The following HDX variants were observed in gnomAD, a reference collection of about 807,000 sequenced individuals.
HDX encodes chromosome X open reading frame 43.
HDX carries 19 observed loss-of-function variants against 45.2 expected under a neutral mutation model. The observed-to-expected ratio is 0.42, with a 90% CI of 0.29 to 0.62. The LOEUF (loss-of-function observed/expected upper bound fraction) is 0.62. Ranked by LOEUF, HDX falls within the 20% of genes least tolerant of loss-of-function variation. HDX has a pLI of 0.20. For missense variants in HDX, 532 were observed against 493.9 expected, an observed-to-expected ratio of 1.08 and a Z score of -0.73; for synonymous variants, 188 against 172.8, an observed-to-expected ratio of 1.09 and a Z score of -0.69.
chrX:84,385,062 G>T (rs1253617582), intron 5 of HDX, among the ~76,000 whole-genome samples: 1 of 109,883 alleles, frequency 9.1e-6, no homozygotes, highest in Admixed American at 9.7e-5. Flanking sequence ...ATTCTTTGAA[G>T]AATGATGTTC....
chrX:84,430,874 A>G (rs1035258773), intron 5 of HDX, among the ~76,000 whole-genome samples: 2 of 109,600 alleles, frequency 1.8e-5, no homozygotes, highest in Non-Finnish European at 3.8e-5. Context: ...TAACAAGTTT[A>G]CACTTTTATT....
At chrX:84,458,535 A>G (rs1443359364) in intron 4 of HDX, among the ~76,000 whole-genome samples, 1 of 112,233 alleles carries the variant, frequency 8.9e-6, no homozygotes, top group African/African-American at 3.2e-5. Flanking sequence ...ATTCCCATTC[A>G]TGCACACAAA....
intron 5 of HDX, among the ~76,000 whole-genome samples, chrX:84,388,514 T>A (rs1028679149): frequency 2.7e-5 from 3 of 112,088 alleles, no homozygotes; most frequent in Admixed American, 9.5e-5. Context: ...CTTTTTCTCT[T>A]TATTTTTTGT....
intron 5 of HDX, among the ~76,000 whole-genome samples, chrX:84,378,239 C>T (rs1203695520): frequency 9.0e-6 from 1 of 111,642 alleles, no homozygotes; most frequent in African/African-American, 3.2e-5. Flanking sequence ...GAGACCTGTT[C>T]TGTAAGAAAT....
intron 4 of HDX, among the ~76,000 whole-genome samples, chrX:84,457,332 A>G (rs899548367): frequency 9.0e-6 from 1 of 111,643 alleles, no homozygotes; most frequent in Non-Finnish European, 1.9e-5. Flanking sequence ...GACTCTCTAT[A>G]AAATACTGCT....
chrX:84,417,266 C>T (rs2039136475), intron 5 of HDX, among the ~76,000 whole-genome samples: 1 of 100,196 alleles, frequency 1.0e-5, no homozygotes, highest in African/African-American at 3.6e-5. Context: ...AAGTCCCAGT[C>T]CTTGTTTCCT....
In HDX at chrX:84,318,240, C is replaced by T. The variant is rs1260670192; in HGVS notation, c.*3649G>A. Reference sequence around the variant, plus strand: ...CCTCCTTGATTATAGCATTACAGAGCATAGCTTGGTGAAGAGCATGATACA... The same window carrying T: ...CCTCCTTGATTATAGCATTACAGAGTATAGCTTGGTGAAGAGCATGATACA... On this transcript the variant is annotated 3_prime_UTR_variant, in exon 11 of 11. Transcript: ENST00000373177. 1.8e-5 allele frequency: 2 copies of T among 110,220 alleles called. No homozygotes were observed. The highest frequency in any genetic ancestry group is 1.9e-4 in the Admixed American group (2 of 10,325). The allele number at this position is 110,220 out of a possible 1,213,427, so 9.1% of individuals were successfully genotyped here.
At chrX:84,358,934 C>T (rs1405070447) in intron 6 of HDX, among the ~76,000 whole-genome samples, 2 of 111,250 alleles carry the variant, frequency 1.8e-5, no homozygotes, top group African/African-American at 6.5e-5. Context: ...CTGGTGTCAA[C>T]CTACACTTGC....
Position 84,468,467 on chromosome X carries a change from A to C in HDX, c.1251+5T>G. The stretch of plus-strand genomic sequence containing the variant: ...AAACCTTTATAAAATAAATTTACAC[A>C]TTACCTGGTAATTGTTTTGGTTTTG... On this transcript the variant is annotated splice_donor_5th_base_variant and intron_variant, in intron 4 of 10. Coordinates refer to ENST00000373177, the MANE Select transcript of HDX (RefSeq NM_001177479.2). 2 of 1,102,945 alleles carry C rather than the reference A, an allele frequency of 1.8e-6. No homozygotes were observed. Among genetic ancestry groups the C allele is most frequent in the Non-Finnish European group, 2.4e-6 (2 of 821,502 alleles). The allele number at this position is 1,102,945 out of a possible 1,213,427, so 90.9% of individuals were successfully genotyped here.
At chrX:84,414,300 C>T (rs1161992102) in intron 5 of HDX, among the ~76,000 whole-genome samples, 5 of 111,333 alleles carry the variant, frequency 4.5e-5, no homozygotes, top group African/African-American at 1.3e-4. Flanking sequence ...CCACCTCTAC[C>T]CCAACATGCG....
intron 5 of HDX, among the ~76,000 whole-genome samples, chrX:84,376,384 A>T (rs1227359275): frequency 9.0e-6 from 1 of 111,579 alleles, no homozygotes; most frequent in Non-Finnish European, 1.9e-5. Context: ...TTTGTCTAGC[A>T]TCTTAGGTAC....
chrX:84,375,661 G>A lies in HDX; in HGVS notation c.1306-14049C>T, dbSNP rs564313508. On this transcript the variant is annotated intron_variant, in intron 5 of 10. Transcript: ENST00000373177. ...TCACAAGGACAAAAAACCAAACACC[G>A]CATTTTCTCACTCATAGATGGGAAT... Among the ~76,000 whole-genome samples, 93 of 108,408 alleles carry A rather than the reference G, an allele frequency of 8.6e-4. 2 individuals are homozygous for A. In the South Asian group the frequency reaches 0.037, roughly 43 times the overall value. The allele number at this position is 108,408 out of a possible 115,157, so 94.1% of individuals were successfully genotyped here. A position where few individuals can be genotyped will look rare whatever the true frequency, so the allele number is the denominator to read the frequency against.
chrX:84,382,414 T>C (rs1042699996), intron 5 of HDX, among the ~76,000 whole-genome samples: 7 of 111,701 alleles, frequency 6.3e-5, no homozygotes, highest in African/African-American at 2.3e-4. Flanking sequence ...GTTTCAGCAG[T>C]TTACAATAGC....
intron 5 of HDX, among the ~76,000 whole-genome samples, chrX:84,413,363 G>T (rs141008163): frequency 0.11 from 12,633 of 111,091 alleles, 627 homozygotes; most frequent in South Asian, 0.28. Flanking sequence ...TTTGTTTATG[G>T]TATAAGGTGG....
chrX:84,424,493 G>A (rs1281323234), intron 5 of HDX, among the ~76,000 whole-genome samples: 1 of 110,524 alleles, frequency 9.0e-6, no homozygotes, highest in African/African-American at 3.3e-5. Flanking sequence ...AAAAGACCCA[G>A]AACAGCCAAA....
At chrX:84,413,179 A>G (rs746002104) in intron 5 of HDX, among the ~76,000 whole-genome samples, 3 of 112,008 alleles carry the variant, frequency 2.7e-5, no homozygotes, top group African/African-American at 9.7e-5. Context: ...GTTAAGAACC[A>G]TTGCTGGAGA....
intron 5 of HDX, among the ~76,000 whole-genome samples, chrX:84,366,886 C>G (rs1026325861): frequency 3.6e-5 from 4 of 111,835 alleles, no homozygotes; most frequent in Non-Finnish European, 7.5e-5. Flanking sequence ...GACCTGAAAC[C>G]ATAAAAACTA....
chrX:84,490,721 T>C (rs928791412), intron 1 of HDX, among the ~76,000 whole-genome samples: 2 of 111,097 alleles, frequency 1.8e-5, no homozygotes, highest in African/African-American at 6.5e-5. Context: ...TTTTAAATCT[T>C]ATTATTATTA....
chrX:84,465,583 C>T (rs2040335138), intron 4 of HDX, among the ~76,000 whole-genome samples: 1 of 111,944 alleles, frequency 8.9e-6, no homozygotes, highest in Admixed American at 9.4e-5. Flanking sequence ...GAAAACCAAA[C>T]ACTGCATGTT....
Sources: gnomAD v4.1 joint callset for allele counts (sites outside exome capture counted in the v4.1 genomes callset) on GRCh38, gnomAD v4.1.1 for gene constraint, MANE v1.5 for transcripts, NCBI Gene and HGNC (gene_info 2026-07-23, HGNC 2026-07-21) for gene names.